CARMIL3: variants seen among roughly 807,000 people sequenced by gnomAD.
CARMIL3 encodes the protein capping protein regulator and myosin 1 linker 3, also known as capping protein, Arp2/3 and myosin-I linker protein 3.
Under a neutral mutation model 180.8 loss-of-function variants are expected in CARMIL3, and 88 were observed. The observed-to-expected ratio is 0.49, with a 90% CI of 0.41 to 0.58. The LOEUF is 0.58. Among genes scored for constraint, CARMIL3 ranks in the 20% least tolerant of loss-of-function variants. The pLI is 0.00. For missense variants in CARMIL3, 1,548 were observed against 1,787.0 expected (o/e 0.87, Z 2.41); for synonymous variants, 696 against 714.5 (o/e 0.97, Z 0.41).
In CARMIL3 at chr14:24,064,965, C is replaced by T. The variant is rs773675307; in HGVS notation, c.3088C>T (p.Arg1030Trp). ...TACCCCGATTCTCCCCAGCTACCCC[C>T]GGACTCTGAGGACCGTGCGGCCAGG... Reference protein sequence around the residue: ...RVLEESSSYPRTLRTVRPGLS... With the variant: ...RVLEESSSYPWTLRTVRPGLS... The change falls in exon 33 of 40, where the codon CGG (arginine) becomes TGG (tryptophan). Residue 1030 changes from arginine to tryptophan, a missense_variant. Arg to Trp is a moderately radical substitution (Grantham distance 101). Around this residue, in one of 4 missense-constraint regions of CARMIL3, gnomAD observed 668 missense variants for 687.8 expected, o/e 0.97. Coordinates refer to ENST00000342740, the MANE Select transcript of CARMIL3 (RefSeq NM_138360.4). The T allele has an allele frequency of 7.6e-5, 123 of 1,611,436 alleles. No homozygotes were observed. Among genetic ancestry groups the T allele is most frequent in the South Asian group, 7.6e-4 (69 of 91,012 alleles).
In CARMIL3 at chr14:24,054,286, G is replaced by T. The variant is rs372108130; in HGVS notation, c.231G>T (p.Thr77=). 7 of 1,614,182 alleles carry T rather than the reference G, an allele frequency of 4.3e-6. No homozygotes were observed. The highest frequency in any genetic ancestry group is 5.9e-6 in the Non-Finnish European group (7 of 1,180,030). The part of the protein sequence containing the change: ...FNVLEIRAFN[T]LSQNQILVET... The stretch of plus-strand genomic sequence containing the variant: ...TCCTGGAGATCCGTGCCTTCAACAC[G>T]CTCAGTCAGAATCAGGTGAGTACCA... The change falls in exon 4 of 40, where the codon ACG becomes ACT. Residue 77 remains threonine, a synonymous_variant. Transcript: ENST00000342740. The surrounding 1 kb of genome is among the most constrained non-coding windows in gnomAD (Gnocchi z 5.1).
At chr14:24,066,759 G>A (rs2035791475) in intron 36 of CARMIL3, 103 bp downstream of exon 36, 10 of 1,215,484 alleles carry the variant, frequency 8.2e-6, no homozygotes. Flanking sequence ...GGCCAAGGTG[G>A]GGCAGTGAGA....
At position 24,061,485 on chromosome 14, in the gene CARMIL3, C is replaced by A. The variant is rs1230389269; in HGVS notation, c.2305-12C>A. 6.2e-7 allele frequency: 1 copy of A among 1,608,388 alleles called. No homozygotes were observed. Among genetic ancestry groups the A allele is most frequent in the Non-Finnish European group, 8.5e-7 (1 of 1,177,002 alleles). The stretch of plus-strand genomic sequence containing the variant: ...CCCCTTGGGCCTCTGGCCTCCCTTT[C>A]CCCCATACTAGGTGATCCTGGAGTC... On this transcript the variant is annotated splice_polypyrimidine_tract_variant and intron_variant, in intron 26 of 39. Transcript: ENST00000342740. The surrounding 1 kb of genome is among the most constrained non-coding windows in gnomAD (Gnocchi z 4.1).
chr14:24,069,426 C>T lies in CARMIL3; in HGVS notation c.*22C>T. The T allele has an allele frequency of 6.2e-7, 1 of 1,614,124 alleles. No individual in the cohort carries two copies. Among genetic ancestry groups the T allele is most frequent in the Non-Finnish European group, 8.5e-7 (1 of 1,180,000 alleles). ...CTGACAACTGCCACAACACCCTCCT[C>T]AGCCCTCGACATGTGCCTCGCAAGG... On this transcript the variant is annotated 3_prime_UTR_variant, in exon 40 of 40. Coordinates refer to ENST00000342740, the MANE Select transcript of CARMIL3 (RefSeq NM_138360.4).
At position 24,059,594 on chromosome 14, in the gene CARMIL3, G is replaced by T; in HGVS notation, c.1800-70G>T. 4 of 1,580,770 alleles carry T rather than the reference G, an allele frequency of 2.5e-6. No individual in the cohort carries two copies. The highest frequency in any genetic ancestry group is 3.5e-6 in the Non-Finnish European group (4 of 1,156,572). The stretch of plus-strand genomic sequence containing the variant: ...TGAGTCAGCCTTATTGCCCCAAGAG[G>T]TTTGTGTCCCTGGCCCCTAGTAGGG... On this transcript the variant is annotated intron_variant, in intron 21 of 39. Coordinates refer to ENST00000342740, the MANE Select transcript of CARMIL3 (RefSeq NM_138360.4). This position sits in a 1 kb window ranked among gnomAD's most constrained non-coding sequence, Gnocchi z 6.3.
rs1227995680 is a variant in CARMIL3 at position 24,059,961 on chromosome 14, G to C, written c.1869-9G>C. ...TGTTCCCACCCAGCTGTGCCCCTGTGTCCCACAGCAACCACACGCTGCGCT... is the reference window on the plus strand; with the variant it reads ...TGTTCCCACCCAGCTGTGCCCCTGTCTCCCACAGCAACCACACGCTGCGCT... On this transcript the variant is annotated splice_polypyrimidine_tract_variant and intron_variant, in intron 22 of 39. Coordinates refer to ENST00000342740, the MANE Select transcript of CARMIL3 (RefSeq NM_138360.4). This position sits in a 1 kb window ranked among gnomAD's most constrained non-coding sequence, Gnocchi z 6.3. 2 of 1,613,816 alleles carry C rather than the reference G, an allele frequency of 1.2e-6. No homozygotes were observed. The highest frequency in any genetic ancestry group is 4.5e-5 in the East Asian group (2 of 44,886).
intron 29 of CARMIL3, 129 bp downstream of exon 29, chr14:24,062,975 C>T: frequency 1.3e-6 from 2 of 1,535,848 alleles, no homozygotes; most frequent in Non-Finnish European, 1.8e-6. Context: ...TGCCTCCAAT[C>T]TCAATCCAGC....
At chr14:24,066,539 T>C (rs755068756) in intron 35 of CARMIL3, 28 bp from the exon 36 acceptor site, 7 of 1,613,014 alleles carry the variant, frequency 4.3e-6, no homozygotes, top group Non-Finnish European at 3.4e-6. Context: ...CTTTCTCCTC[T>C]CTTTCTCATC....
rs115464665 is a variant in CARMIL3 at position 24,064,368 on chromosome 14, C to G, written c.3080+22C>G. The G allele has an allele frequency of 2.3e-3, 3,549 of 1,558,328 alleles. 78 individuals carry two copies. In the African/African-American group the frequency reaches 0.041, roughly 18 times the overall value. ...CTAGGTGTGATGCCTAAACACACTC[C>G]CATTTTCAGCAGGCCCCAAGGCCCT... On this transcript the variant is annotated intron_variant, in intron 32 of 39. Coordinates refer to ENST00000342740, the MANE Select transcript of CARMIL3 (RefSeq NM_138360.4).
At position 24,069,689 on chromosome 14, in the gene CARMIL3, A is replaced by C; in HGVS notation, c.*285A>C. ...GATCTCTGTCCCTCTATCCCCAGGG[A>C]CTCTCTCCCCTCTTGTATAGAATAA... On this transcript the variant is annotated 3_prime_UTR_variant, in exon 40 of 40. Coordinates refer to ENST00000342740, the MANE Select transcript of CARMIL3 (RefSeq NM_138360.4). The C allele has an allele frequency of 1.6e-5, 8 of 503,020 alleles. No homozygotes were observed. Among genetic ancestry groups the C allele is most frequent in the South Asian group, 5.9e-5 (2 of 34,166 alleles). The allele number at this position is 503,020 out of a possible 1,614,324, so 31.2% of individuals were successfully genotyped here.
rs753703869 is a variant in CARMIL3 at position 24,055,502 on chromosome 14, A to T, written c.606-41A>T. ...TGGTCTCTTCTTTTCTGACCCAACC[A>T]CCTGCTCACCACTTTCCTGCCCCCT... On this transcript the variant is annotated intron_variant, in intron 8 of 39. Transcript: ENST00000342740. 21 of 1,607,890 alleles carry T rather than the reference A, an allele frequency of 1.3e-5. No homozygotes were observed. The Admixed American group carries it at 2.0e-4, about 15-fold the overall frequency.
At chr14:24,057,124 C>T in intron 13 of CARMIL3, 43 bp from the exon 14 acceptor site, 1 of 1,604,960 alleles carries the variant, frequency 6.2e-7, no homozygotes, top group Non-Finnish European at 8.5e-7. Context: ...TGGCGAGACT[C>T]CATCATCCCT....
chr14:24,069,462 C>G lies in CARMIL3; in HGVS notation c.*58C>G. The G allele has an allele frequency of 6.2e-7, 1 of 1,610,410 alleles. No individual in the cohort carries two copies. The highest frequency in any genetic ancestry group is 1.7e-4 in the Middle Eastern group (1 of 5,976). Reference sequence around the variant, plus strand: ...ATGTGCCTCGCAAGGACTCAGACCCCTATCCACCCCCAGTCCCCAGGGCCC... The same window carrying G: ...ATGTGCCTCGCAAGGACTCAGACCCGTATCCACCCCCAGTCCCCAGGGCCC... On this transcript the variant is annotated 3_prime_UTR_variant, in exon 40 of 40. Transcript: ENST00000342740.
Position 24,054,664 on chromosome 14 carries a change from G to C in CARMIL3, c.363-47G>C. On this transcript the variant is annotated intron_variant, in intron 5 of 39. Transcript: ENST00000342740. This position sits in a 1 kb window ranked among gnomAD's most constrained non-coding sequence, Gnocchi z 5.1. The stretch of plus-strand genomic sequence containing the variant: ...CAGGAGCTATAACGTGGGAAGAACT[G>C]AGAGCCTCTTTCCAGCCCTCTCTGG... The C allele has an allele frequency of 6.3e-7, 1 of 1,579,954 alleles. No individual in the cohort carries two copies. The highest frequency in any genetic ancestry group is 2.2e-5 in the East Asian group (1 of 44,460).
At position 24,062,580 on chromosome 14, in the gene CARMIL3, C is replaced by G. The variant is rs960267; in HGVS notation, c.2568+13C>G. 35,611 of 1,613,488 alleles carry G rather than the reference C, an allele frequency of 0.022. 6,338 individuals are homozygous for G. In the African/African-American group the frequency reaches 0.41, roughly 18 times the overall value. The stretch of plus-strand genomic sequence containing the variant: ...CCACAAGAGCCTGGTAAGGCTTCTT[C>G]TGCAGCCTGGCCTGGCTCGGGCACG... On this transcript the variant is annotated intron_variant, in intron 28 of 39. Transcript: ENST00000342740.
intron 39 of CARMIL3, 48 bp downstream of exon 39, chr14:24,069,295 A>T: frequency 1.2e-6 from 2 of 1,612,918 alleles, no homozygotes; most frequent in Non-Finnish European, 1.7e-6. Flanking sequence ...TATCTGTCCA[A>T]CATGACACCC....
chr14:24,058,276 C>T lies in CARMIL3; in HGVS notation c.1392+52C>T, dbSNP rs2035695772. ...GCCCGCCTCCGATCCATGTGCATTT[C>T]TCAGACCTAAGTCAAACCCTGGCTC... is the stretch of plus-strand genomic sequence containing the variant. On this transcript the variant is annotated intron_variant, in intron 17 of 39. Coordinates refer to ENST00000342740, the MANE Select transcript of CARMIL3 (RefSeq NM_138360.4). This position sits in a 1 kb window ranked among gnomAD's most constrained non-coding sequence, Gnocchi z 6.4. The T allele has an allele frequency of 6.4e-7, 1 of 1,569,800 alleles. No homozygotes were observed. Among genetic ancestry groups the T allele is most frequent in the East Asian group, 2.3e-5 (1 of 42,742 alleles).
In CARMIL3 at chr14:24,068,654, G is replaced by C. The variant is rs561933240; in HGVS notation, c.3753G>C (p.Lys1251Asn). ...SPASQDGEEEKEGTLFPERTL... is the reference protein window; with the variant it reads ...SPASQDGEEENEGTLFPERTL... ...CCTCCCAAGATGGGGAAGAGGAGAAGGAGGGGACCCTCTTCCCAGAGAGGA... is the reference window on the plus strand; with the variant it reads ...CCTCCCAAGATGGGGAAGAGGAGAACGAGGGGACCCTCTTCCCAGAGAGGA... The change falls in exon 37 of 40, where the codon AAG becomes AAC. Residue 1251 changes from lysine (K) to asparagine (N), a missense_variant. This residue lies in a region of CARMIL3 where 668 missense variants were observed against 687.8 expected (regional missense o/e 0.97). Coordinates refer to ENST00000342740, the MANE Select transcript of CARMIL3 (RefSeq NM_138360.4). 3 of 1,614,032 alleles carry C rather than the reference G, an allele frequency of 1.9e-6. No individual in the cohort carries two copies. The Admixed American group carries it at 5.0e-5, about 27-fold the overall frequency.
chr14:24,056,585 G>A, intron 11 of CARMIL3, 37 bp from the exon 12 acceptor site: 1 of 1,606,412 alleles, frequency 6.2e-7, no homozygotes, highest in South Asian at 1.1e-5. Flanking sequence ...CCACTGCCCT[G>A]CCCCTCACTG....
Sources: allele counts gnomAD v4.1 joint callset, GRCh38; gene constraint gnomAD v4.1.1; regional missense constraint gnomAD v4.1.1; non-coding constraint Gnocchi (gnomAD v3.1); transcripts MANE v1.5; gene names NCBI Gene and HGNC (gene_info 2026-07-23, HGNC 2026-07-21).